Variants in PARD3B observed in about 807,000 individuals in gnomAD.
The protein encoded by PARD3B is partitioning defective 3 homolog B.
PARD3B carries 103 observed loss-of-function variants against 130.2 expected under a neutral mutation model. The ratio of observed to expected loss-of-function variants is 0.79; its 90% confidence interval spans 0.67 to 0.93. The LOEUF is 0.93. Among genes scored for constraint, PARD3B ranks in the 40% least tolerant of loss-of-function variants. The pLI is 0.00. For missense variants in PARD3B, 1,609 were observed against 1,499.2 expected (o/e 1.07, Z -1.21); for synonymous variants, 583 against 553.2 (o/e 1.05, Z -0.76).
intron 4 of PARD3B, among the ~76,000 whole-genome samples, chr2:205,059,855 A>G (rs1165874990): frequency 6.6e-6 from 1 of 152,086 alleles, no homozygotes; most frequent in Non-Finnish European, 1.5e-5. Context: ...CACACCTTGG[A>G]GGAGGGCTAC....
At chr2:205,217,874 A>G (rs1346957548) in intron 15 of PARD3B, among the ~76,000 whole-genome samples, 23 of 52,846 alleles carry the variant, frequency 4.4e-4, no homozygotes, top group African/African-American at 2.2e-3. Context: ...GTGTGTATAT[A>G]TATATATATA....
chr2:204,935,373 CA>C (rs3067765), intron 2 of PARD3B, among the ~76,000 whole-genome samples: 25,124 of 128,934 alleles, frequency 0.19, 2,652 homozygotes, highest in Non-Finnish European at 0.25. Flanking sequence ...ACTAAAAATA[CA>C]AAAAAAAAAA....
rs973161404 is a variant in PARD3B at position 205,183,916 on chromosome 2, G to A, written c.1925-1848G>A. Among the ~76,000 whole-genome samples, 1 of 152,100 alleles carries A rather than the reference G, an allele frequency of 6.6e-6. No individual in the cohort carries two copies. The highest frequency in any genetic ancestry group is 2.4e-5 in the African/African-American group (1 of 41,430). Reference sequence around the variant, plus strand: ...TGAAGGCCGGAGAACCAGAAAAGCTGGTGGCGTGGTTTCAGTCTGAAGACA... The same window carrying A: ...TGAAGGCCGGAGAACCAGAAAAGCTAGTGGCGTGGTTTCAGTCTGAAGACA... On this transcript the variant is annotated intron_variant, in intron 13 of 22. Coordinates refer to ENST00000406610, the MANE Select transcript of PARD3B (RefSeq NM_001302769.2). This position sits in a 1 kb window ranked among gnomAD's most constrained non-coding sequence, Gnocchi z 5.2.
intron 1 of PARD3B, among the ~76,000 whole-genome samples, chr2:204,650,230 T>C (rs2035431130): frequency 6.6e-6 from 1 of 152,086 alleles, no homozygotes; most frequent in Non-Finnish European, 1.5e-5. Flanking sequence ...AAATGGCTAT[T>C]ATTAAAAAGC....
chr2:205,401,234 A>G (rs559059528), intron 19 of PARD3B, 111 bp downstream of exon 19: 100 of 804,450 alleles, frequency 1.2e-4, no homozygotes, highest in Non-Finnish European at 1.9e-4. Context: ...ATAGGGGTTG[A>G]CCGATCTGAA....
At chr2:204,753,739 C>T (rs2040555258) in intron 2 of PARD3B, among the ~76,000 whole-genome samples, 1 of 151,992 alleles carries the variant, frequency 6.6e-6, no homozygotes, top group African/African-American at 2.4e-5. Flanking sequence ...AAGCAGCACA[C>T]AATGAAATAC....
At chr2:205,551,211 A>G (rs1346611155) in intron 21 of PARD3B, among the ~76,000 whole-genome samples, 2 of 151,868 alleles carry the variant, frequency 1.3e-5, no homozygotes, top group African/African-American at 4.8e-5. Context: ...TTTTCCAACA[A>G]TCACAATTAA....
At chr2:204,773,772 C>G (rs780062588) in intron 2 of PARD3B, among the ~76,000 whole-genome samples, 1 of 152,038 alleles carries the variant, frequency 6.6e-6, no homozygotes, top group Non-Finnish European at 1.5e-5. Flanking sequence ...CCTCTCTGAT[C>G]TCCTTTCACC....
intron 1 of PARD3B, among the ~76,000 whole-genome samples, chr2:204,672,846 T>C (rs1055448011): frequency 1.2e-4 from 18 of 152,202 alleles, no homozygotes; most frequent in Admixed American, 1.3e-4. Context: ...GTAGTAATAA[T>C]CACAGGCGCT....
At chr2:204,902,341 G>A (rs2046890726) in intron 2 of PARD3B, among the ~76,000 whole-genome samples, 1 of 151,742 alleles carries the variant, frequency 6.6e-6, no homozygotes. Context: ...GAGTGTGATC[G>A]CTTCTGAATA....
chr2:204,942,841 T>A (rs1320252463), intron 2 of PARD3B, among the ~76,000 whole-genome samples: 1 of 152,010 alleles, frequency 6.6e-6, no homozygotes, highest in Middle Eastern at 3.2e-3. Flanking sequence ...AAGAAAAAAA[T>A]TAAGAAATAC....
intron 19 of PARD3B, among the ~76,000 whole-genome samples, chr2:205,427,849 T>C (rs1437141476): frequency 2.0e-5 from 3 of 152,198 alleles, no homozygotes; most frequent in Admixed American, 2.0e-4. Flanking sequence ...AATACACGTT[T>C]TGATTATACA....
Position 205,351,233 on chromosome 2 carries a change from T to C in PARD3B, c.2630+49532T>C, listed in dbSNP as rs2043984787. Among the ~76,000 whole-genome samples, 1 of 152,246 alleles carries C rather than the reference T, an allele frequency of 6.6e-6. No homozygotes were observed. The highest frequency in any genetic ancestry group is 1.5e-5 in the Non-Finnish European group (1 of 68,046). The stretch of plus-strand genomic sequence containing the variant: ...CCTTGCTGTCTCCCCACCACATTTA[T>C]GATGTGAAACTAAATAAATACGGGT... On this transcript the variant is annotated intron_variant, in intron 18 of 22. Transcript: ENST00000406610. This position sits in a 1 kb window ranked among gnomAD's most constrained non-coding sequence, Gnocchi z 4.2.
chr2:204,997,899 A>G (rs1694364370), intron 3 of PARD3B, among the ~76,000 whole-genome samples: 1 of 149,260 alleles, frequency 6.7e-6, no homozygotes. Context: ...TATTTACAGT[A>G]ATGTAGATAT....
intron 18 of PARD3B, among the ~76,000 whole-genome samples, chr2:205,356,008 TC>T (rs1173096108): frequency 6.6e-6 from 1 of 152,142 alleles, no homozygotes; most frequent in Non-Finnish European, 1.5e-5. Flanking sequence ...GGACTATAAT[TC>T]CAGATGAGAT....
At chr2:205,365,939 G>C (rs1486690517) in intron 18 of PARD3B, among the ~76,000 whole-genome samples, 1 of 152,168 alleles carries the variant, frequency 6.6e-6, no homozygotes, top group African/African-American at 2.4e-5. Context: ...TTGGAGAAGG[G>C]TATAGGTTAC....
intron 16 of PARD3B, among the ~76,000 whole-genome samples, chr2:205,296,871 C>CT (rs201830756): frequency 1.4e-3 from 204 of 144,016 alleles, no homozygotes; most frequent in African/African-American, 4.4e-3. Flanking sequence ...GCTATAACAT[C>CT]TTTTTAAAAA....
chr2:205,010,463 T>G (rs905000178), intron 3 of PARD3B, among the ~76,000 whole-genome samples: 1 of 152,236 alleles, frequency 6.6e-6, no homozygotes, highest in African/African-American at 2.4e-5. Flanking sequence ...GTTTCTCATT[T>G]CTGGTTTAGT....
chr2:204,667,266 A>G (rs1255950977), intron 1 of PARD3B, among the ~76,000 whole-genome samples: 3 of 152,216 alleles, frequency 2.0e-5, no homozygotes, highest in Admixed American at 2.0e-4. Flanking sequence ...CAGCAAGCTC[A>G]GTGCCTCTGC....
Sources: gnomAD v4.1 joint callset for allele counts (sites outside exome capture counted in the v4.1 genomes callset) on GRCh38, gnomAD v4.1.1 for gene constraint, Gnocchi (gnomAD v3.1) non-coding constraint, MANE v1.5 for transcripts, NCBI Gene and HGNC (gene_info 2026-07-23, HGNC 2026-07-21) for gene names.